The following RTEL1 variants were observed in gnomAD, a reference collection of about 807,000 sequenced individuals.
RTEL1 encodes regulator of telomere length.
A neutral mutation model predicts 162.2 loss-of-function variants in RTEL1; 86 were observed. That is an observed-to-expected ratio of 0.53 (90% CI 0.45 to 0.63). The LOEUF (loss-of-function observed/expected upper bound fraction) is 0.63, where lower values mean the gene tolerates loss of function less well. Among genes scored for constraint, RTEL1 ranks in the 30% least tolerant of loss-of-function variants. The pLI is 0.00. For missense variants in RTEL1, 1,941 were observed against 1,750.2 expected (o/e 1.11, Z -1.95); for synonymous variants, 958 against 717.9 (o/e 1.33, Z -5.35).
At chr20:63,694,009 G>C (rs971251464) in intron 30 of RTEL1, among the ~76,000 whole-genome samples, 2 of 151,816 alleles carry the variant, frequency 1.3e-5, no homozygotes, top group Non-Finnish European at 2.9e-5. Context: ...ATCTGTGTTC[G>C]TGTGTTAATG....
intron 8 of RTEL1, 113 bp from the exon 9 acceptor site, chr20:63,672,443 C>T (rs907085477): frequency 1.3e-4 from 111 of 853,530 alleles, no homozygotes; most frequent in Admixed American, 1.2e-4. Context: ...ACATCGCCGG[C>T]GCTGTTGCTC....
chr20:63,662,130 C>T (rs1006789170), intron 4 of RTEL1, among the ~76,000 whole-genome samples, 187 bp downstream of exon 4: 5 of 152,188 alleles, frequency 3.3e-5, no homozygotes, highest in African/African-American at 1.2e-4. Context: ...ATGCCCATTA[C>T]TTGTGAGGAA....
intron 22 of RTEL1, 27 bp downstream of exon 22, chr20:63,689,159 G>T: frequency 6.2e-7 from 1 of 1,601,512 alleles, no homozygotes; most frequent in South Asian, 1.1e-5. Flanking sequence ...CCTCTGCCCT[G>T]ACCTGGTTGC....
intron 31 of RTEL1, 62 bp downstream of exon 31, chr20:63,694,550 G>A (rs1458612570): frequency 5.0e-6 from 7 of 1,405,378 alleles, no homozygotes; most frequent in Non-Finnish European, 6.9e-6. Flanking sequence ...GGCTTCACGA[G>A]GCTAACTCTT....
At chr20:63,663,926 C>T (rs1255077731) in intron 6 of RTEL1, among the ~76,000 whole-genome samples, 1 of 152,176 alleles carries the variant, frequency 6.6e-6, no homozygotes, top group African/African-American at 2.4e-5. Flanking sequence ...CGTTTCTGGG[C>T]CCTGGCCCTT....
In RTEL1 at chr20:63,677,662, C is replaced by T. The variant is rs112369573; in HGVS notation, c.920-483C>T. On this transcript the variant is annotated intron_variant, in intron 10 of 34. Transcript: ENST00000360203. ...AAAACACCTGCTCCTCTTGGTGTCTCCAGTTTGGATTTGGCCTGTGTAGCC... is the reference window on the plus strand; with the variant it reads ...AAAACACCTGCTCCTCTTGGTGTCTTCAGTTTGGATTTGGCCTGTGTAGCC... Among the ~76,000 whole-genome samples, 1,247 of 152,302 alleles carry T rather than the reference C, an allele frequency of 8.2e-3. 16 individuals are homozygous for T. Among genetic ancestry groups the T allele is most frequent in the African/African-American group, 0.028 (1,165 of 41,548 alleles).
At chr20:63,675,637 T>C (rs1420523742) in intron 10 of RTEL1, among the ~76,000 whole-genome samples, 2 of 152,066 alleles carry the variant, frequency 1.3e-5, no homozygotes, top group Non-Finnish European at 2.9e-5. Flanking sequence ...TCTCAGCGTC[T>C]TAAAGCGCCG....
chr20:63,687,777 G>A lies in RTEL1; in HGVS notation c.1481+7G>A. 2 of 1,563,646 alleles carry A rather than the reference G, an allele frequency of 1.3e-6. No homozygotes were observed. Among genetic ancestry groups the A allele is most frequent in the Non-Finnish European group, 1.7e-6 (2 of 1,154,778 alleles). ...TTGCTCTGGAGATGCAGATGTACGG[G>A]CCACCCCTGCCAGGGCCTGAGCACC... is the stretch of plus-strand genomic sequence containing the variant. On this transcript the variant is annotated splice_region_variant and intron_variant, in intron 17 of 34. Coordinates refer to ENST00000360203, the MANE Select transcript of RTEL1 (RefSeq NM_001283009.2).
In RTEL1 at chr20:63,661,008, T is replaced by C. The variant is rs945234325; in HGVS notation, c.103-290T>C. On this transcript the variant is annotated intron_variant, in intron 2 of 34. Coordinates refer to ENST00000360203, the MANE Select transcript of RTEL1 (RefSeq NM_001283009.2). The surrounding 1 kb of genome is among the most constrained non-coding windows in gnomAD (Gnocchi z 5.1). Reference sequence around the variant, plus strand: ...GCAGAACAGTTTCCTATTTTGAGACTTGACACCTAATTAGTCATCTTACTA... The same window carrying C: ...GCAGAACAGTTTCCTATTTTGAGACCTGACACCTAATTAGTCATCTTACTA... Among the ~76,000 whole-genome samples the C allele has an allele frequency of 6.6e-6, 1 of 152,274 alleles. No individual in the cohort carries two copies. The highest frequency in any genetic ancestry group is 2.4e-5 in the African/African-American group (1 of 41,476).
chr20:63,680,517 G>T, intron 13 of RTEL1, 147 bp from the exon 14 acceptor site: 1 of 782,102 alleles, frequency 1.3e-6, no homozygotes, highest in Non-Finnish European at 2.1e-6. Flanking sequence ...CGCCCTGAAT[G>T]GATGCTGCGC....
chr20:63,676,113 G>T (rs1488279707), intron 10 of RTEL1, among the ~76,000 whole-genome samples: 1 of 152,074 alleles, frequency 6.6e-6, no homozygotes, highest in Non-Finnish European at 1.5e-5. Flanking sequence ...CTGTCACCCA[G>T]GCTGGAGAGC....
chr20:63,688,610 G>C lies in RTEL1; in HGVS notation c.1800+5G>C. The C allele has an allele frequency of 6.2e-7, 1 of 1,601,968 alleles. No homozygotes were observed. The highest frequency in any genetic ancestry group is 8.5e-7 in the Non-Finnish European group (1 of 1,176,204). On this transcript the variant is annotated splice_donor_5th_base_variant and intron_variant, in intron 21 of 34. Transcript: ENST00000360203. ...AGCAAAGGCAGCTTCTCCGAGGTCG[G>C]CACTTGGCCGGGGCTCTGGGCCTGC...
intron 26 of RTEL1, 54 bp downstream of exon 26, chr20:63,690,495 T>TGGGGGGGGGGGGGGGGGGGGGGGTG: frequency 1.7e-6 from 1 of 594,922 alleles, no homozygotes; most frequent in Non-Finnish European, 2.7e-6. Context: ...GCGGGCGGCG[T>TGGGGGGGGGGGGGGGGGGGGGGGTG]GGGGCGGGCA....
chr20:63,659,632 G>A lies in RTEL1; in HGVS notation c.102+128G>A. 6 of 730,742 alleles carry A rather than the reference G, an allele frequency of 8.2e-6. No homozygotes were observed. The South Asian group carries it at 9.2e-5, about 11-fold the overall frequency. 45.3% of individuals were successfully genotyped at this position (730,742 alleles called of 1,614,324 possible). A position where few individuals can be genotyped will look rare whatever the true frequency, so the allele number is the denominator to read the frequency against. ...CCAGAGGCAGCGTCTGTCATAAAAA[G>A]GGCTGGTGTTCCAGGTGGGGTCAGA... On this transcript the variant is annotated intron_variant, in intron 2 of 34. Transcript: ENST00000360203.
chr20:63,667,118 A>T (rs79309877), intron 7 of RTEL1, among the ~76,000 whole-genome samples: 4 of 152,092 alleles, frequency 2.6e-5, no homozygotes, highest in East Asian at 1.9e-4. Flanking sequence ...GGATTACAGG[A>T]GTGAGCCACC....
Position 63,693,486 on chromosome 20 carries a change from ACCACCTCCACCT to A in RTEL1, c.2992+209_2992+220del, listed in dbSNP as rs1568720241. Among the ~76,000 whole-genome samples the A allele has an allele frequency of 1.7e-3, 36 of 21,230 alleles. 6 individuals carry two copies. The East Asian group carries it at 0.027, about 16-fold the overall frequency. The allele number at this position is 21,230 out of a possible 152,430, so 13.9% of individuals were successfully genotyped here. ...CTCCACCTCCACCTCCACCTCCACC[ACCACCTCCACCT>A]CCACCACCACCTCCTCCACCACCAC... On this transcript the variant is annotated intron_variant, in intron 30 of 34. Transcript: ENST00000360203.
intron 13 of RTEL1, among the ~76,000 whole-genome samples, 192 bp from the exon 14 acceptor site, chr20:63,680,472 C>T (rs2090456809): frequency 6.6e-6 from 1 of 152,248 alleles, no homozygotes. Context: ...TGCCTGGCTT[C>T]TCTCCTGGCT....
chr20:63,691,890 C>T lies in RTEL1; in HGVS notation c.2652+53C>T, dbSNP rs780478410. 244 of 1,491,294 alleles carry T rather than the reference C, an allele frequency of 1.6e-4. 2 individuals are homozygous for T. The highest frequency in any genetic ancestry group is 8.7e-4 in the South Asian group (77 of 88,292). 92.4% of individuals were successfully genotyped at this position (1,491,294 alleles called of 1,614,324 possible). A position where few individuals can be genotyped will look rare whatever the true frequency, so the allele number is the denominator to read the frequency against. ...CGACCACCATAGACACGCATGGGAA[C>T]GCAGCCGTGGGTGCCCCCAGCCACG... On this transcript the variant is annotated intron_variant, in intron 28 of 34. Transcript: ENST00000360203.
intron 30 of RTEL1, among the ~76,000 whole-genome samples, chr20:63,693,564 A>ACCTCCACCACCT (rs1568720898): frequency 2.9e-5 from 2 of 69,266 alleles, no homozygotes; most frequent in Non-Finnish European, 5.6e-5. Context: ...CTCCACCTCC[A>ACCTCCACCACCT]CCACCTCCAC....
Sources: gnomAD v4.1 joint callset for allele counts (sites outside exome capture counted in the v4.1 genomes callset) on GRCh38, gnomAD v4.1.1 for gene constraint, Gnocchi (gnomAD v3.1) non-coding constraint, MANE v1.5 for transcripts, NCBI Gene and HGNC (gene_info 2026-07-23, HGNC 2026-07-21) for gene names.